The following CD9 variants were observed in gnomAD, a reference collection of about 807,000 sequenced individuals.
The protein encoded by CD9 is CD9 molecule.
A neutral mutation model predicts 31.4 loss-of-function variants in CD9; 10 were observed. That is an observed-to-expected ratio of 0.32 (90% confidence interval 0.20 to 0.54). The LOEUF is 0.54. Ranked by LOEUF, CD9 falls within the 20% of genes least tolerant of loss-of-function variation. CD9 has a pLI of 0.94. For missense variants in CD9, 259 were observed against 300.1 expected (o/e 0.86, Z 1.01); for synonymous variants, 113 against 114.1 (o/e 0.99, Z 0.06).
chr12:6,214,692 A>C (rs1946226366), intron 1 of CD9, among the ~76,000 whole-genome samples: 1 of 151,434 alleles, frequency 6.6e-6, no homozygotes, highest in Non-Finnish European at 1.5e-5. Flanking sequence ...GAGTTCGGGG[A>C]GGTTTGAGGA....
chr12:6,214,975 TTCTC>T (rs1438812412), intron 1 of CD9, among the ~76,000 whole-genome samples: 1 of 152,116 alleles, frequency 6.6e-6, no homozygotes, highest in Non-Finnish European at 1.5e-5. Flanking sequence ...TGTCCAGCCG[TTCTC>T]TCTCCTTTCT....
intron 4 of CD9, 31 bp from the exon 5 acceptor site, chr12:6,235,198 T>C: frequency 6.9e-7 from 1 of 1,458,408 alleles, no homozygotes; most frequent in East Asian, 2.3e-5. Flanking sequence ...GAAAATGCCG[T>C]CTCTGCCCCT....
chr12:6,208,224 CAAAAAAA>C (rs574714065), intron 1 of CD9, among the ~76,000 whole-genome samples: 1 of 96,472 alleles, frequency 1.0e-5, no homozygotes, highest in African/African-American at 3.8e-5. Context: ...AACTCCATCT[CAAAAAAA>C]AAAAAAAAAG....
Position 6,200,563 on chromosome 12 carries a change from T to C in CD9, c.64T>C (p.Trp22Arg), listed in dbSNP as rs1946063494. 6.2e-7 allele frequency: 1 copy of C among 1,605,456 alleles called. No individual in the cohort carries two copies. ...GCTGTTCGGATTTAACTTCATCTTC[T>C]GGGTGAGTGAGCGCGACTGCCGCGC... ...YLLFGFNFIF[W>R]LAGIAVLAIG... Residue 22 changes from tryptophan to arginine, a missense_variant and splice_region_variant, in exon 1 of 8, where the codon TGG becomes CGG. Physicochemically the swap from Trp to Arg is moderately radical, Grantham distance 101 (BLOSUM62 -3). Transcript: ENST00000009180.
intron 1 of CD9, among the ~76,000 whole-genome samples, chr12:6,217,313 G>A (rs1422298333): frequency 6.6e-6 from 1 of 152,068 alleles, no homozygotes; most frequent in African/African-American, 2.4e-5. Context: ...CTTGAGCTCA[G>A]GAGTTCAAGA....
chr12:6,217,645 C>G (rs1008783707), intron 1 of CD9, among the ~76,000 whole-genome samples: 1 of 152,192 alleles, frequency 6.6e-6, no homozygotes, highest in African/African-American at 2.4e-5. Context: ...GCCACCTGTC[C>G]CTTGTTGAAA....
intron 1 of CD9, among the ~76,000 whole-genome samples, chr12:6,203,159 G>A (rs1399068383): frequency 6.6e-6 from 1 of 152,178 alleles, no homozygotes; most frequent in African/African-American, 2.4e-5. Context: ...TGATGATCAG[G>A]AAACCATTTC....
chr12:6,237,889 T>TGTTTG lies in CD9; in HGVS notation c.*62_*66dup. On this transcript the variant is annotated 3_prime_UTR_variant, in exon 8 of 8. Transcript: ENST00000009180. ...ATGAAGATTGGTGGGATTTTTTGTTTGTTTGTTTTGTTTTGTTTGTTGTTT... is the reference window on the plus strand; with the variant it reads ...ATGAAGATTGGTGGGATTTTTTGTTTGTTTGGTTTGTTTTGTTTTGTTTGTTGTTT... 7.9e-7 allele frequency: 1 copy of TGTTTG among 1,272,138 alleles called. No individual in the cohort carries two copies. The highest frequency in any genetic ancestry group is 1.1e-6 in the Non-Finnish European group (1 of 874,340). 78.8% of individuals were successfully genotyped at this position (1,272,138 alleles called of 1,614,324 possible).
intron 1 of CD9, among the ~76,000 whole-genome samples, chr12:6,223,989 G>C (rs1373116898): frequency 6.6e-6 from 1 of 152,124 alleles, no homozygotes; most frequent in Non-Finnish European, 1.5e-5. Flanking sequence ...CCTCTGCCTT[G>C]TCCAGCCGCG....
upstream of CD9, chr12:6,200,002 T>G (rs968173997): frequency 1.1e-4 from 17 of 150,270 alleles, no homozygotes; most frequent in Admixed American, 1.1e-3. Context: ...CGGGGAAGAG[T>G]CTCCCAAAGC....
chr12:6,236,386 C>G (rs1400193366), intron 7 of CD9, 111 bp downstream of exon 7: 17 of 913,642 alleles, frequency 1.9e-5, no homozygotes, highest in Non-Finnish European at 1.7e-6. Flanking sequence ...TCACTTTGTC[C>G]TCGTGCCCTT....
At chr12:6,206,597 G>C (rs549156733) in intron 1 of CD9, among the ~76,000 whole-genome samples, 23 of 152,182 alleles carry the variant, frequency 1.5e-4, no homozygotes, top group Non-Finnish European at 3.1e-4. Flanking sequence ...AAAAAGTCAT[G>C]CTGGTCCAGG....
At chr12:6,228,210 G>C (rs1442582190) in intron 2 of CD9, among the ~76,000 whole-genome samples, 1 of 152,184 alleles carries the variant, frequency 6.6e-6, no homozygotes, top group African/African-American at 2.4e-5. Context: ...CGCCGGCAAG[G>C]GGGATGATGC....
At chr12:6,206,596 T>C (rs1433156052) in intron 1 of CD9, among the ~76,000 whole-genome samples, 1 of 152,216 alleles carries the variant, frequency 6.6e-6, no homozygotes, top group East Asian at 1.9e-4. Flanking sequence ...GAAAAAGTCA[T>C]GCTGGTCCAG....
At chr12:6,200,906 G>A (rs571847136) in intron 1 of CD9, 1 of 232,456 alleles carries the variant, frequency 4.3e-6, no homozygotes, top group African/African-American at 2.3e-5. Context: ...AAGTCCCTCC[G>A]AGTGCCAGAG....
At chr12:6,233,557 T>G (rs1946478793) in intron 4 of CD9, 71 bp downstream of exon 4, 3 of 1,176,472 alleles carry the variant, frequency 2.6e-6, no homozygotes, top group African/African-American at 3.0e-5. Flanking sequence ...AGGGGGCAAG[T>G]CCTGGCTGGG....
rs1946541964 is a variant in CD9 at position 6,237,912 on chromosome 12, T to TTTTG, written c.*86_*87insTGTT. 9.4e-7 allele frequency: 1 copy of TTTTG among 1,069,214 alleles called. No homozygotes were observed. Among genetic ancestry groups the TTTTG allele is most frequent in the South Asian group, 1.3e-5 (1 of 74,182 alleles). The allele number at this position is 1,069,214 out of a possible 1,614,324, so 66.2% of individuals were successfully genotyped here. A position where few individuals can be genotyped will look rare whatever the true frequency, so the allele number is the denominator to read the frequency against. ...TTTGTTTGTTTTGTTTTGTTTGTTG[T>TTTTG]TTGTTGTTTGTTTTTTTGCCACTAA... On this transcript the variant is annotated 3_prime_UTR_variant, in exon 8 of 8. Coordinates refer to ENST00000009180, the MANE Select transcript of CD9 (RefSeq NM_001769.4).
At chr12:6,223,076 G>A (rs1019154254) in intron 1 of CD9, among the ~76,000 whole-genome samples, 5 of 152,216 alleles carry the variant, frequency 3.3e-5, no homozygotes, top group African/African-American at 9.7e-5. Context: ...AGACCAGGGC[G>A]AGAGGGAGGA....
intron 1 of CD9, among the ~76,000 whole-genome samples, chr12:6,219,547 G>A (rs1466753251): frequency 5.3e-5 from 8 of 150,942 alleles, no homozygotes; most frequent in African/African-American, 1.5e-4. Flanking sequence ...GTACAGTGGC[G>A]TGATCTCGGC....
Sources: gnomAD v4.1 joint callset for allele counts (sites outside exome capture counted in the v4.1 genomes callset) on GRCh38, gnomAD v4.1.1 for gene constraint, MANE v1.5 for transcripts, NCBI Gene and HGNC (gene_info 2026-07-23, HGNC 2026-07-21) for gene names.